The following RASEF variants were observed in gnomAD, a reference collection of about 807,000 sequenced individuals.
RASEF encodes the protein RAS and EF-hand domain containing.
RASEF carries 68 observed loss-of-function variants against 90.1 expected under a neutral mutation model. The observed-to-expected ratio is 0.75, with a 90% confidence interval of 0.62 to 0.92. RASEF has a LOEUF of 0.92. Among genes scored for constraint, RASEF ranks in the 40% least tolerant of loss-of-function variants. The probability of loss-of-function intolerance (pLI) is 0.00; values close to 1 mark genes in which losing one functional copy is unlikely to be tolerated. For missense variants in RASEF, 949 were observed against 937.2 expected (o/e 1.01, Z -0.16); for synonymous variants, 331 against 345.2 (o/e 0.96, Z 0.46).
the RASEF span, among the ~76,000 whole-genome samples, chr9:83,144,375 GAAA>G: frequency 1.1e-3 from 27 of 24,948 alleles, no homozygotes; most frequent in South Asian, 5.5e-3. Context: ...AAGAAAGAAA[GAAA>G]GAAAGAAAGA....
At chr9:83,199,225 A>T in the RASEF span, among the ~76,000 whole-genome samples, 3 of 3,096 alleles carry the variant, frequency 9.7e-4, no homozygotes, top group Non-Finnish European at 2.2e-3. Flanking sequence ...GCCCTAATTT[A>T]AAAAAAAAAA....
chr9:83,116,133 T>C, the RASEF span, among the ~76,000 whole-genome samples: 1 of 152,196 alleles, frequency 6.6e-6, no homozygotes, highest in Non-Finnish European at 1.5e-5. Flanking sequence ...TGTTGACTTA[T>C]GTCAAAATTC....
chr9:83,028,562 A>G (rs919773171), intron 1 of RASEF, among the ~76,000 whole-genome samples: 1 of 152,250 alleles, frequency 6.6e-6, no homozygotes, highest in African/African-American at 2.4e-5. Flanking sequence ...TGAGGGCGCA[A>G]GAAAGATGAC....
the RASEF span, among the ~76,000 whole-genome samples, chr9:83,208,430 T>C: frequency 2.0e-5 from 3 of 152,180 alleles, no homozygotes; most frequent in Admixed American, 6.5e-5. Context: ...TGTCTGTCAG[T>C]GGACTCCAGA....
At chr9:83,055,253 C>T (rs1208045490) in intron 1 of RASEF, 8 of 308,260 alleles carry the variant, frequency 2.6e-5, no homozygotes, top group South Asian at 8.4e-5. Flanking sequence ...TGTGGTGCGC[C>T]GTTTCTTAAG....
chr9:83,055,835 C>T (rs1830093359), intron 1 of RASEF, among the ~76,000 whole-genome samples: 1 of 152,196 alleles, frequency 6.6e-6, no homozygotes, highest in Non-Finnish European at 1.5e-5. Flanking sequence ...GGGTCTATGG[C>T]TCCCAATTTG....
intron 1 of RASEF, among the ~76,000 whole-genome samples, chr9:83,038,805 C>T (rs1249721018): frequency 6.6e-6 from 1 of 151,980 alleles, no homozygotes; most frequent in Non-Finnish European, 1.5e-5. Flanking sequence ...TATTAGTTAT[C>T]CTCATTTTAT....
intron 7 of RASEF, among the ~76,000 whole-genome samples, chr9:83,005,868 A>G (rs1829120780): frequency 6.6e-6 from 1 of 152,208 alleles, no homozygotes; most frequent in Non-Finnish European, 1.5e-5. Context: ...GTCAGGGATG[A>G]ACGCAGTGTG....
the RASEF span, among the ~76,000 whole-genome samples, chr9:83,079,037 T>C: frequency 2.6e-5 from 4 of 152,238 alleles, no homozygotes; most frequent in African/African-American, 9.6e-5. Flanking sequence ...TTTCTTTTGC[T>C]GTGCAGCTCT....
intron 1 of RASEF, among the ~76,000 whole-genome samples, chr9:83,058,073 C>T (rs1467379845): frequency 6.7e-6 from 1 of 149,986 alleles, no homozygotes; most frequent in Non-Finnish European, 1.5e-5. Context: ...TCCCCTCCAT[C>T]TGAGCTCTGT....
At chr9:83,023,218 T>C (rs959923092) in intron 2 of RASEF, among the ~76,000 whole-genome samples, 2 of 152,228 alleles carry the variant, frequency 1.3e-5, no homozygotes, top group African/African-American at 4.8e-5. Context: ...TCAATCATTA[T>C]TCTTATTTGT....
chr9:83,178,813 G>A, the RASEF span, among the ~76,000 whole-genome samples: 1 of 152,104 alleles, frequency 6.6e-6, no homozygotes. Context: ...ACATTATATT[G>A]TTTTTAGAAA....
chr9:83,139,146 A>G, the RASEF span, among the ~76,000 whole-genome samples: 2 of 152,190 alleles, frequency 1.3e-5, no homozygotes, highest in Non-Finnish European at 2.9e-5. Flanking sequence ...TCATAAGAGT[A>G]GGGAGCTTGT....
the RASEF span, among the ~76,000 whole-genome samples, chr9:83,166,857 C>T: frequency 5.9e-5 from 9 of 152,150 alleles, no homozygotes; most frequent in African/African-American, 1.9e-4. Context: ...TATCAAACCT[C>T]AGCACCACTA....
the RASEF span, among the ~76,000 whole-genome samples, chr9:83,069,330 C>A: frequency 1.3e-5 from 2 of 152,152 alleles, no homozygotes; most frequent in Non-Finnish European, 2.9e-5. Flanking sequence ...CCCCTTCTTT[C>A]ACCCAACTGC....
chr9:83,115,161 C>G, the RASEF span, among the ~76,000 whole-genome samples: 1 of 152,048 alleles, frequency 6.6e-6, no homozygotes, highest in African/African-American at 2.4e-5. Context: ...GTGAATTTCA[C>G]CCGATATCTA....
intron 1 of RASEF, among the ~76,000 whole-genome samples, chr9:83,033,276 G>A (rs1400577450): frequency 1.3e-5 from 2 of 152,088 alleles, no homozygotes; most frequent in African/African-American, 4.8e-5. Flanking sequence ...AAAATGCTAG[G>A]AAGCCAACCA....
chr9:83,063,793 C>A (rs1014236492), upstream of RASEF, among the ~76,000 whole-genome samples: 2 of 152,006 alleles, frequency 1.3e-5, no homozygotes, highest in Non-Finnish European at 2.9e-5. Context: ...GGTAGGTTAC[C>A]CTTTGGTTTT....
intron 12 of RASEF, 93 bp downstream of exon 12, chr9:83,000,076 T>C: frequency 8.7e-7 from 1 of 1,146,274 alleles, no homozygotes. Flanking sequence ...GAGAAAACTG[T>C]TAACTGAGCA....
Sources: gnomAD v4.1 joint callset for allele counts (sites outside exome capture counted in the v4.1 genomes callset) on GRCh38, gnomAD v4.1.1 for gene constraint, MANE v1.5 for transcripts, NCBI Gene and HGNC (gene_info 2026-07-23, HGNC 2026-07-21) for gene names.